TNIK: variants seen among roughly 807,000 people sequenced by gnomAD.
TNIK encodes the protein TRAF2 and NCK interacting kinase.
TNIK carries 49 observed loss-of-function variants against 191.3 expected under a neutral mutation model. The observed-to-expected ratio is 0.26, with a 90% CI of 0.20 to 0.32. TNIK has a LOEUF of 0.32. TNIK is among the 10% of genes least tolerant of loss of function. The probability of loss-of-function intolerance (pLI) is 1.00; values close to 1 mark genes in which losing one functional copy is unlikely to be tolerated. For missense variants in TNIK, 1,155 were observed against 1,702.3 expected, an observed-to-expected ratio of 0.68 and a Z score of 5.66; for synonymous variants, 594 against 600.9, an observed-to-expected ratio of 0.99 and a Z score of 0.17.
chr3:171,428,379 C>T (rs993321242), intron 1 of TNIK, among the ~76,000 whole-genome samples: 4 of 152,080 alleles, frequency 2.6e-5, no homozygotes, highest in African/African-American at 9.7e-5. Flanking sequence ...CCCCAGAAAC[C>T]AGAAAAATGG....
intron 2 of TNIK, chr3:171,346,921 CAGG>C: frequency 2.2e-6 from 1 of 447,504 alleles, no homozygotes; most frequent in Non-Finnish European, 3.9e-6. Flanking sequence ...AGGTTTTAAA[CAGG>C]AGAGAGACAT....
chr3:171,383,212 A>AT (rs1718289353), intron 1 of TNIK, among the ~76,000 whole-genome samples: 1 of 152,160 alleles, frequency 6.6e-6, no homozygotes, highest in African/African-American at 2.4e-5. Flanking sequence ...AAAGACCAGA[A>AT]TTTTTACAAG....
rs1733712081 is a variant in TNIK, at chr3:171,159,634, TATTA to T, written c.1016+1632_1016+1635del. 6.6e-6 allele frequency among the ~76,000 whole-genome samples: 1 copy of T among 152,198 alleles called. No individual in the cohort carries two copies. The highest frequency in any genetic ancestry group is 2.1e-4 in the South Asian group (1 of 4,822). ...CATGCACACGAGGATGCTCCATTAA[TATTA>T]ATTGATATTGAATCAATGTCAGAAG... On this transcript the variant is annotated intron_variant, in intron 11 of 32. Coordinates refer to ENST00000436636, the MANE Select transcript of TNIK (RefSeq NM_015028.4). The surrounding 1 kb of genome is among the most constrained non-coding windows in gnomAD (Gnocchi z 4.1).
rs189224007 is a variant in TNIK at position 171,330,708 on chromosome 3, C to T, written c.123+38912G>A. ...TCTTGGGTGAATCTTACATATGATCCTTCTGTTCCCACTATATCCTCCAAA... is the reference window on the plus strand; with the variant it reads ...TCTTGGGTGAATCTTACATATGATCTTTCTGTTCCCACTATATCCTCCAAA... On this transcript the variant is annotated intron_variant, in intron 2 of 32. Transcript: ENST00000436636. Among the ~76,000 whole-genome samples, 109 of 152,272 alleles carry T rather than the reference C, an allele frequency of 7.2e-4. 1 individual carries two copies. The highest frequency in any genetic ancestry group is 2.8e-4 in the Non-Finnish European group (19 of 68,024).
At chr3:171,320,643 C>T (rs1288771633) in intron 2 of TNIK, among the ~76,000 whole-genome samples, 1 of 152,154 alleles carries the variant, frequency 6.6e-6, no homozygotes. Flanking sequence ...GTTCAATGAG[C>T]ATCTATGGAT....
chr3:171,327,900 T>TA (rs71634497), intron 2 of TNIK, among the ~76,000 whole-genome samples: 3,878 of 79,332 alleles, frequency 0.049, 265 homozygotes, highest in Middle Eastern at 0.075. Context: ...ACCTGGCTCA[T>TA]AAAAAAAAAA....
chr3:171,166,676 C>A (rs1560206611), intron 10 of TNIK, among the ~76,000 whole-genome samples: 1 of 152,022 alleles, frequency 6.6e-6, no homozygotes, highest in East Asian at 1.9e-4. Flanking sequence ...AGAAATGAGC[C>A]TCAGAGCACA....
chr3:171,227,147 C>T (rs867416254), intron 3 of TNIK, among the ~76,000 whole-genome samples: 4 of 152,044 alleles, frequency 2.6e-5, no homozygotes, highest in Non-Finnish European at 4.4e-5. Context: ...TGAATCCTTT[C>T]GAGTCAGATT....
At chr3:171,408,493 G>A (rs1325276896) in intron 1 of TNIK, among the ~76,000 whole-genome samples, 3 of 152,178 alleles carry the variant, frequency 2.0e-5, no homozygotes, top group Non-Finnish European at 4.4e-5. Context: ...TTAGGGTCAG[G>A]TGACCAAGAT....
intron 15 of TNIK, among the ~76,000 whole-genome samples, chr3:171,134,238 G>T (rs912310194): frequency 6.6e-6 from 1 of 152,212 alleles, no homozygotes; most frequent in Non-Finnish European, 1.5e-5. Context: ...TCTCAACTCA[G>T]AAATGGCAGA....
chr3:171,074,045 TTA>T (rs1491537688), intron 28 of TNIK, among the ~76,000 whole-genome samples: 8 of 151,618 alleles, frequency 5.3e-5, no homozygotes, highest in East Asian at 1.9e-4. Flanking sequence ...TTTTTTTTTT[TTA>T]AATCAAAAGG....
At chr3:171,280,766 G>T (rs560500616) in intron 2 of TNIK, among the ~76,000 whole-genome samples, 16 of 152,032 alleles carry the variant, frequency 1.1e-4, no homozygotes, top group Middle Eastern at 3.4e-3. Context: ...TATATAAAAT[G>T]TTCTTAATAT....
chr3:171,183,410 G>A (rs753439238), intron 7 of TNIK, among the ~76,000 whole-genome samples: 17 of 152,192 alleles, frequency 1.1e-4, no homozygotes, highest in Non-Finnish European at 2.4e-4. Flanking sequence ...GCAGAAAATC[G>A]TCTTTTGTTG....
At chr3:171,270,842 G>A (rs1749006330) in intron 2 of TNIK, among the ~76,000 whole-genome samples, 1 of 152,264 alleles carries the variant, frequency 6.6e-6, no homozygotes, top group South Asian at 2.1e-4. Context: ...GCTTCATAGA[G>A]GTTAAATGAG....
At chr3:171,201,947 CT>C (rs199666797) in intron 4 of TNIK, among the ~76,000 whole-genome samples, 3,011 of 152,174 alleles carry the variant, frequency 0.02, 54 homozygotes, top group Non-Finnish European at 0.026. Flanking sequence ...TGTAATAAAG[CT>C]TCTGGATAGT....
chr3:171,289,204 G>A (rs1751401042), intron 2 of TNIK, among the ~76,000 whole-genome samples: 1 of 152,164 alleles, frequency 6.6e-6, no homozygotes. Flanking sequence ...ACCTGGTTCT[G>A]CAAAGACTAA....
intron 15 of TNIK, among the ~76,000 whole-genome samples, chr3:171,129,981 C>T (rs1729021388): frequency 2.0e-5 from 3 of 152,190 alleles, no homozygotes; most frequent in African/African-American, 7.2e-5. Context: ...GCCACCAGGA[C>T]AATGCAACCA....
chr3:171,090,234 A>G (rs1721883198), intron 23 of TNIK, among the ~76,000 whole-genome samples: 3 of 152,080 alleles, frequency 2.0e-5, no homozygotes, highest in Admixed American at 6.5e-5. Context: ...ACAGGCAGCA[A>G]GAGAGCCAGA....
intron 1 of TNIK, among the ~76,000 whole-genome samples, chr3:171,374,936 C>G (rs1313193071): frequency 6.6e-6 from 1 of 152,158 alleles, no homozygotes; most frequent in African/African-American, 2.4e-5. Flanking sequence ...AATGCTTAGT[C>G]AGGGTCACAC....
Sources: allele counts gnomAD v4.1 joint callset (sites outside exome capture counted in the v4.1 genomes callset), GRCh38; gene constraint gnomAD v4.1.1; non-coding constraint Gnocchi (gnomAD v3.1); transcripts MANE v1.5; gene names NCBI Gene and HGNC (gene_info 2026-07-23, HGNC 2026-07-21).